The following UBQLN1 variants were observed in gnomAD, a reference collection of about 807,000 sequenced individuals.
UBQLN1 encodes the protein ubiquilin 1.
UBQLN1 carries 13 observed loss-of-function variants against 65.4 expected under a neutral mutation model. The ratio of observed to expected loss-of-function variants is 0.20; its 90% CI spans 0.13 to 0.32. UBQLN1 has a LOEUF of 0.32. UBQLN1 is among the 10% of genes least tolerant of loss of function. The pLI, the probability that UBQLN1 is intolerant of heterozygous loss-of-function variation, is 1.00. For missense variants in UBQLN1, 561 were observed against 724.0 expected, an observed-to-expected ratio of 0.77 and a Z score of 2.58; for synonymous variants, 267 against 247.8, an observed-to-expected ratio of 1.08 and a Z score of -0.73.
Position 83,664,031 on chromosome 9 carries a change from G to C in UBQLN1, c.1461C>G (p.Gly487=). 1.2e-6 allele frequency: 2 copies of C among 1,613,466 alleles called. No individual in the cohort carries two copies. Among genetic ancestry groups the C allele is most frequent in the Middle Eastern group, 1.7e-4 (1 of 6,058 alleles). The change falls in exon 10 of 11, where the codon GGC becomes GGG. Residue 487 remains glycine, a synonymous_variant. Coordinates refer to ENST00000376395, the MANE Select transcript of UBQLN1 (RefSeq NM_013438.5). The part of the protein sequence containing the change: ...APGLIPGFTP[G]LGALGSTGGS... ...CTCCAGTGCTTCCTAATGCCCCCAA[G>C]CCAGGAGTAAACCTACAGAAAGCAC...
intron 7 of UBQLN1, chr9:83,668,187 A>G (rs1306184310): frequency 1.0e-6 from 1 of 985,264 alleles, no homozygotes; most frequent in South Asian, 4.7e-5. Flanking sequence ...ATTCTTCTTA[A>G]AATTTGTTAT....
At chr9:83,669,075 T>C in intron 7 of UBQLN1, 110 bp downstream of exon 7, 1 of 1,238,220 alleles carries the variant, frequency 8.1e-7, no homozygotes, top group Non-Finnish European at 1.1e-6. Context: ...CTTATTTTTC[T>C]AGTGTATTAA....
chr9:83,660,173 T>C lies in UBQLN1; in HGVS notation c.*1614A>G, dbSNP rs1336797591. ...CTCCACCGTAACCTTTGTACTTGTT[T>C]TCCTCCTGGGGAAAGTGTCAGAACA... On this transcript the variant is annotated 3_prime_UTR_variant, in exon 11 of 11. Transcript: ENST00000376395. 6.6e-6 allele frequency: 1 copy of C among 152,600 alleles called. No individual in the cohort carries two copies. Among genetic ancestry groups the C allele is most frequent in the East Asian group, 1.9e-4 (1 of 5,196 alleles). The allele number at this position is 152,600 out of a possible 1,614,324, so 9.5% of individuals were successfully genotyped here.
chr9:83,698,912 CAAA>C (rs34821277), intron 1 of UBQLN1, among the ~76,000 whole-genome samples: 9 of 113,352 alleles, frequency 7.9e-5, no homozygotes, highest in Non-Finnish European at 5.8e-5. Context: ...AGACCTGTCT[CAAA>C]AAAAAAAAAA....
chr9:83,690,973 G>A (rs888327289), intron 1 of UBQLN1, among the ~76,000 whole-genome samples: 2 of 151,632 alleles, frequency 1.3e-5, no homozygotes, highest in African/African-American at 4.8e-5. Context: ...CCCCGTCTCT[G>A]CTAAAAATAC....
rs1435423416 is a variant in UBQLN1 at position 83,707,493 on chromosome 9, G to C, written c.180+7C>G. The C allele has an allele frequency of 2.5e-6, 4 of 1,603,894 alleles. No individual in the cohort carries two copies. The highest frequency in any genetic ancestry group is 3.4e-6 in the Non-Finnish European group (4 of 1,176,034). ...CCCATCCCGGCCCGAGCCCCAGGCG[G>C]CCTCACCTGCTGGACGGAGCTATTC... On this transcript the variant is annotated splice_region_variant and intron_variant, in intron 1 of 10. Coordinates refer to ENST00000376395, the MANE Select transcript of UBQLN1 (RefSeq NM_013438.5).
intron 6 of UBQLN1, among the ~76,000 whole-genome samples, chr9:83,672,301 G>A (rs556965453): frequency 1.3e-5 from 2 of 152,252 alleles, no homozygotes; most frequent in East Asian, 1.9e-4. Flanking sequence ...CTTTTCCTTC[G>A]CATTCACAAC....
At chr9:83,704,993 A>C (rs1267577957) in intron 1 of UBQLN1, among the ~76,000 whole-genome samples, 1 of 152,190 alleles carries the variant, frequency 6.6e-6, no homozygotes, top group Non-Finnish European at 1.5e-5. Flanking sequence ...GATTATTTCT[A>C]ATCTTTTGCA....
At chr9:83,671,728 T>C (rs1440901897) in intron 6 of UBQLN1, among the ~76,000 whole-genome samples, 1 of 152,212 alleles carries the variant, frequency 6.6e-6, no homozygotes, top group Admixed American at 6.5e-5. Context: ...AGCATAATTT[T>C]TAAGGCCCTA....
At chr9:83,670,465 A>T (rs144337732) in intron 6 of UBQLN1, among the ~76,000 whole-genome samples, 3 of 152,168 alleles carry the variant, frequency 2.0e-5, no homozygotes, top group African/African-American at 7.2e-5. Context: ...CAAGTCACAC[A>T]CATTTTTTGG....
At chr9:83,706,222 T>C (rs908568733) in intron 1 of UBQLN1, among the ~76,000 whole-genome samples, 3 of 152,256 alleles carry the variant, frequency 2.0e-5, no homozygotes, top group African/African-American at 7.2e-5. Context: ...TGCAACTTAC[T>C]CTGAATTGCT....
intron 2 of UBQLN1, among the ~76,000 whole-genome samples, chr9:83,683,359 C>A (rs1314329446): frequency 7.2e-6 from 1 of 139,634 alleles, no homozygotes; most frequent in East Asian, 2.3e-4. Flanking sequence ...TTGCAGTGAG[C>A]GAGATCGCGC....
At chr9:83,695,712 C>G (rs1230818926) in intron 1 of UBQLN1, among the ~76,000 whole-genome samples, 1 of 152,102 alleles carries the variant, frequency 6.6e-6, no homozygotes, top group Non-Finnish European at 1.5e-5. Flanking sequence ...TACAGGACAT[C>G]AAACTAACTC....
At chr9:83,689,063 A>T (rs1460018270) in intron 1 of UBQLN1, among the ~76,000 whole-genome samples, 1 of 152,214 alleles carries the variant, frequency 6.6e-6, no homozygotes. Context: ...AAAAATCTAT[A>T]CCCTACAGCT....
In UBQLN1 at chr9:83,673,563, A is replaced by C. The variant is rs1236736086; in HGVS notation, c.1105+4164T>G. ...CGGTCTTTTAAAAAAAAAAAAAAAA[A>C]AAAACAAAAAAAAAAAACTGCGCTT... On this transcript the variant is annotated intron_variant, in intron 6 of 10. Coordinates refer to ENST00000376395, the MANE Select transcript of UBQLN1 (RefSeq NM_013438.5). Among the ~76,000 whole-genome samples, 16 of 41,676 alleles carry C rather than the reference A, an allele frequency of 3.8e-4. No homozygotes were observed. The South Asian group carries it at 5.4e-3, about 14-fold the overall frequency. The allele number at this position is 41,676 out of a possible 152,430, so 27.3% of individuals were successfully genotyped here.
intron 1 of UBQLN1, among the ~76,000 whole-genome samples, chr9:83,701,451 T>C (rs1039060397): frequency 6.6e-6 from 1 of 152,068 alleles, no homozygotes; most frequent in African/African-American, 2.4e-5. Flanking sequence ...ACTATGAAAA[T>C]AGTTTCATCT....
chr9:83,669,671 T>C (rs981721801), intron 6 of UBQLN1, among the ~76,000 whole-genome samples: 3 of 152,204 alleles, frequency 2.0e-5, no homozygotes, highest in African/African-American at 7.2e-5. Flanking sequence ...GAGCCAACTT[T>C]TCCTCCAAGA....
At position 83,677,127 on chromosome 9, in the gene UBQLN1, C is replaced by T. The variant is rs138594169; in HGVS notation, c.1105+600G>A. On this transcript the variant is annotated intron_variant, in intron 6 of 10. Coordinates refer to ENST00000376395, the MANE Select transcript of UBQLN1 (RefSeq NM_013438.5). ...AGCCAGTATAGCCCTGACCTCAAGACGGGTGCTTGACAATCTACTGATCTA... is the reference window on the plus strand; with the variant it reads ...AGCCAGTATAGCCCTGACCTCAAGATGGGTGCTTGACAATCTACTGATCTA... Among the ~76,000 whole-genome samples, 8 of 152,322 alleles carry T rather than the reference C, an allele frequency of 5.3e-5. No individual in the cohort carries two copies. In the East Asian group the frequency reaches 5.8e-4, roughly 11 times the overall value.
rs1831562568 is a variant in UBQLN1 at position 83,661,632 on chromosome 9, C to T, written c.*155G>A. 8 of 695,060 alleles carry T rather than the reference C, an allele frequency of 1.2e-5. No individual in the cohort carries two copies. The highest frequency in any genetic ancestry group is 3.0e-5 in the East Asian group (1 of 33,726). The allele number at this position is 695,060 out of a possible 1,614,324, so 43.1% of individuals were successfully genotyped here. ...GAAAAGAAAAATACAGAAAAACCCA[C>T]ACATCTTACTGTACTCCACCTTAAA... On this transcript the variant is annotated 3_prime_UTR_variant, in exon 11 of 11. Transcript: ENST00000376395.
Sources: allele counts gnomAD v4.1 joint callset (sites outside exome capture counted in the v4.1 genomes callset), GRCh38; gene constraint gnomAD v4.1.1; transcripts MANE v1.5; gene names NCBI Gene and HGNC (gene_info 2026-07-23, HGNC 2026-07-21).